Variants in ZNF248 observed in about 807,000 individuals in gnomAD.
ZNF248 encodes KRAB protein domain.
Under a neutral mutation model 44.3 loss-of-function variants are expected in ZNF248, and 20 were observed. That is an observed-to-expected ratio of 0.45 (90% CI 0.32 to 0.66). ZNF248 has a LOEUF of 0.66. ZNF248 is among the 30% of genes least tolerant of loss of function. The probability of loss-of-function intolerance (pLI) is 0.04; values close to 1 mark genes in which losing one functional copy is unlikely to be tolerated. For missense variants in ZNF248, 654 were observed against 677.0 expected (o/e 0.97, Z 0.38); for synonymous variants, 224 against 229.0 (o/e 0.98, Z 0.20).
intron 6 of ZNF248, among the ~76,000 whole-genome samples, chr10:37,813,025 G>T (rs1208700): frequency 2.8e-5 from 3 of 108,636 alleles, no homozygotes; most frequent in Non-Finnish European, 5.8e-5. Context: ...ATGGCAAAAA[G>T]AAAAAAAAAA....
Position 37,831,374 on chromosome 10 carries a change from G to A in ZNF248, c.*241C>T, listed in dbSNP as rs75530881. The A allele has an allele frequency of 4.6e-3, 7,080 of 1,546,144 alleles. 31 individuals carry two copies. The highest frequency in any genetic ancestry group is 0.022 in the African/African-American group (1,575 of 72,930). ...ATTTGCAACAAAATTTTGGTATCAC[G>A]TCTGGAATATAACACTAAACAACAT... is the stretch of plus-strand genomic sequence containing the variant. On this transcript the variant is annotated 3_prime_UTR_variant, in exon 6 of 6. Transcript: ENST00000395867.
At chr10:37,820,762 T>C in intron 6 of ZNF248, 3 of 1,275,684 alleles carry the variant, frequency 2.4e-6, no homozygotes, top group East Asian at 2.3e-5. Context: ...TATTAAGTGG[T>C]CCCTTTTGTT....
chr10:37,801,927 T>G (rs1283736023), intron 6 of ZNF248, among the ~76,000 whole-genome samples: 7 of 152,230 alleles, frequency 4.6e-5, no homozygotes, highest in Non-Finnish European at 7.3e-5. Context: ...CTCAATGTTT[T>G]AATCTCCTGA....
chr10:37,794,032 GTT>G (rs200667371), intron 6 of ZNF248, among the ~76,000 whole-genome samples: 1 of 151,802 alleles, frequency 6.6e-6, no homozygotes, highest in Non-Finnish European at 1.5e-5. Flanking sequence ...TATATACAAG[GTT>G]TTTTTTATTG....
chr10:37,762,246 T>C, the ZNF248 span, among the ~76,000 whole-genome samples: 1 of 152,324 alleles, frequency 6.6e-6, no homozygotes, highest in Admixed American at 6.5e-5. Flanking sequence ...AGGAATAATG[T>C]TCCTCATAAT....
chr10:37,762,339 G>A, the ZNF248 span, among the ~76,000 whole-genome samples: 3 of 152,156 alleles, frequency 2.0e-5, no homozygotes, highest in African/African-American at 2.4e-5. Flanking sequence ...CATGAGGGAG[G>A]TAACATTAGT....
At chr10:37,824,496 G>T (rs1015800205), downstream of ZNF248, among the ~76,000 whole-genome samples, 3 of 152,006 alleles carry the variant, frequency 2.0e-5, no homozygotes, top group Non-Finnish European at 2.9e-5. Context: ...TGGTGTTGGG[G>T]TAAGTGGTTC....
chr10:37,779,016 T>C (rs1177018201), intron 6 of ZNF248, among the ~76,000 whole-genome samples: 1 of 152,150 alleles, frequency 6.6e-6, no homozygotes, highest in Admixed American at 6.5e-5. Context: ...ATTGTGGCAA[T>C]AATCAATAGC....
chr10:37,778,459 G>C (rs2132827718), intron 6 of ZNF248, among the ~76,000 whole-genome samples: 1 of 151,744 alleles, frequency 6.6e-6, no homozygotes, highest in South Asian at 2.1e-4. Flanking sequence ...TGAGTAGGTT[G>C]CGAAAATTTT....
At chr10:37,790,800 G>C (rs2133063344) in intron 6 of ZNF248, among the ~76,000 whole-genome samples, 1 of 150,546 alleles carries the variant, frequency 6.6e-6, no homozygotes, top group South Asian at 2.1e-4. Flanking sequence ...CACTCCTGTA[G>C]CTCCAGCTAC....
intron 6 of ZNF248, among the ~76,000 whole-genome samples, chr10:37,806,137 T>C (rs2050522184): frequency 6.6e-6 from 1 of 152,234 alleles, no homozygotes; most frequent in Admixed American, 6.5e-5. Flanking sequence ...GCTTTCACTT[T>C]TTGGCTTTTG....
At chr10:37,785,300 A>G (rs1002864381) in intron 6 of ZNF248, among the ~76,000 whole-genome samples, 3 of 152,206 alleles carry the variant, frequency 2.0e-5, no homozygotes, top group African/African-American at 7.2e-5. Flanking sequence ...GCTCCTGTGT[A>G]CTACTTGATC....
chr10:37,766,712 AG>A, the ZNF248 span, among the ~76,000 whole-genome samples: 2 of 152,254 alleles, frequency 1.3e-5, no homozygotes, highest in Non-Finnish European at 2.9e-5. Context: ...TAAAAAGCAG[AG>A]TATCTCTCCT....
At chr10:37,787,949 T>C (rs1286039915) in intron 6 of ZNF248, among the ~76,000 whole-genome samples, 1 of 152,220 alleles carries the variant, frequency 6.6e-6, no homozygotes, top group Non-Finnish European at 1.5e-5. Context: ...ATATTTCTGA[T>C]AAGTCTCATA....
At chr10:37,807,503 T>A (rs1197521179) in intron 6 of ZNF248, among the ~76,000 whole-genome samples, 4 of 152,212 alleles carry the variant, frequency 2.6e-5, no homozygotes, top group Non-Finnish European at 5.9e-5. Flanking sequence ...ACCTGTAGAT[T>A]GCTTTGGGTA....
At chr10:37,838,450 G>A (rs1242374976) in intron 3 of ZNF248, among the ~76,000 whole-genome samples, 1 of 152,176 alleles carries the variant, frequency 6.6e-6, no homozygotes, top group East Asian at 1.9e-4. Flanking sequence ...AGTTACAGAG[G>A]AAATATTAGT....
chr10:37,828,632 G>A, downstream of ZNF248: 2 of 962,716 alleles, frequency 2.1e-6, no homozygotes, highest in African/African-American at 1.8e-5. Flanking sequence ...TGATCACAAT[G>A]ACATGTTCTA....
intron 5 of ZNF248, among the ~76,000 whole-genome samples, chr10:37,833,741 G>GT (rs1254282171): frequency 2.0e-5 from 3 of 151,904 alleles, no homozygotes; most frequent in Non-Finnish European, 4.4e-5. Context: ...AGAAGAAATA[G>GT]TTTTTTTTAA....
rs1440417126 is a variant in ZNF248, at chr10:37,838,049, G to A, written c.78C>T (p.Asp26=). ...DFTQEEWYLL[D]PAQKILYRDV... ...CTCTGTATAGAATCTTCTGAGCAGGGTCCAGCAGATACCACTCTTCCTGAG... is the reference window on the plus strand; with the variant it reads ...CTCTGTATAGAATCTTCTGAGCAGGATCCAGCAGATACCACTCTTCCTGAG... Residue 26 remains aspartate (D), a synonymous_variant, in exon 4 of 6, where the codon GAC becomes GAT. Coordinates refer to ENST00000395867, the MANE Select transcript of ZNF248 (RefSeq NM_021045.3). 1 of 1,613,722 alleles carries A rather than the reference G, an allele frequency of 6.2e-7. No individual in the cohort carries two copies. The highest frequency in any genetic ancestry group is 1.1e-5 in the South Asian group (1 of 91,070).
Sources: allele counts gnomAD v4.1 joint callset (sites outside exome capture counted in the v4.1 genomes callset), GRCh38; gene constraint gnomAD v4.1.1; transcripts MANE v1.5; gene names NCBI Gene and HGNC (gene_info 2026-07-23, HGNC 2026-07-21).